Variants in MYO16 observed in about 807,000 individuals in gnomAD.
The protein encoded by MYO16 is unconventional myosin-XVI.
Under a neutral mutation model 205.3 loss-of-function variants are expected in MYO16, and 94 were observed. The observed-to-expected ratio is 0.46, with a 90% CI of 0.39 to 0.54. MYO16 has a LOEUF of 0.54. Ranked by LOEUF, MYO16 falls within the 20% of genes least tolerant of loss-of-function variation. The pLI, the probability that MYO16 is intolerant of heterozygous loss-of-function variation, is 0.00. For synonymous variants in MYO16, 988 were observed against 954.0 expected (o/e 1.04, Z -0.66); for missense variants, 2,315 against 2,387.5 (o/e 0.97, Z 0.63).
intron 9 of MYO16, among the ~76,000 whole-genome samples, chr13:108,840,427 C>A (rs1285008040): frequency 2.0e-5 from 3 of 152,058 alleles, no homozygotes; most frequent in Admixed American, 6.6e-5. Flanking sequence ...TGAAAGCAAC[C>A]CTTCAATTTA....
chr13:109,123,405 A>T (rs157021), intron 29 of MYO16, among the ~76,000 whole-genome samples: 21,905 of 152,110 alleles, frequency 0.14, 1,754 homozygotes, highest in Admixed American at 0.2. Flanking sequence ...ACATCTTGAA[A>T]ATACTCTCTC....
intron 20 of MYO16, among the ~76,000 whole-genome samples, chr13:108,976,131 A>T (rs564949922): frequency 3.3e-5 from 5 of 152,322 alleles, no homozygotes; most frequent in African/African-American, 1.2e-4. Flanking sequence ...GAAAACATCT[A>T]GAAACTGCAG....
At chr13:108,878,549 A>C (rs181495875) in intron 12 of MYO16, among the ~76,000 whole-genome samples, 7 of 152,206 alleles carry the variant, frequency 4.6e-5, no homozygotes, top group Admixed American at 4.6e-4. Context: ...TTTTTCCTGG[A>C]TGCCAGACAA....
intron 4 of MYO16, among the ~76,000 whole-genome samples, chr13:108,746,446 T>C (rs1316276311): frequency 6.6e-6 from 1 of 152,018 alleles, no homozygotes. Context: ...AGAAATAAGA[T>C]GTAGAATTTA....
At chr13:108,579,815 TAA>T in the MYO16 span, among the ~76,000 whole-genome samples, 1 of 152,136 alleles carries the variant, frequency 6.6e-6, no homozygotes, top group African/African-American at 2.4e-5. Context: ...TGTAGAAAAA[TAA>T]AGAGCCATGC....
At chr13:108,833,918 C>T (rs1042415091) in intron 9 of MYO16, among the ~76,000 whole-genome samples, 3 of 151,884 alleles carry the variant, frequency 2.0e-5, no homozygotes, top group South Asian at 2.1e-4. Context: ...TCTGTCTTAC[C>T]AATAGAAAAT....
the MYO16 span, among the ~76,000 whole-genome samples, chr13:108,578,393 C>T: frequency 6.6e-6 from 1 of 152,110 alleles, no homozygotes; most frequent in African/African-American, 2.4e-5. Flanking sequence ...ATTTTAAACC[C>T]AAATGGGAGC....
upstream of MYO16, among the ~76,000 whole-genome samples, chr13:108,625,955 T>C (rs985722801): frequency 6.6e-6 from 1 of 152,226 alleles, no homozygotes; most frequent in Non-Finnish European, 1.5e-5. Flanking sequence ...AGGTTTTAAA[T>C]GAAAACATTA....
At chr13:108,933,841 A>G (rs2139297433) in intron 16 of MYO16, among the ~76,000 whole-genome samples, 1 of 152,164 alleles carries the variant, frequency 6.6e-6, no homozygotes, top group East Asian at 1.9e-4. Context: ...TATAAGTAAC[A>G]ATGTGTGATA....
intron 23 of MYO16, among the ~76,000 whole-genome samples, chr13:109,023,164 A>G (rs1428501368): frequency 1.5e-5 from 2 of 129,318 alleles, no homozygotes; most frequent in African/African-American, 5.7e-5. Context: ...ATATATACAA[A>G]TACAAATTTA....
At chr13:108,972,249 C>CTATATATATATA (rs1158879237) in intron 20 of MYO16, among the ~76,000 whole-genome samples, 42 of 2,846 alleles carry the variant, frequency 0.015, 2 homozygotes, top group Non-Finnish European at 0.018. Flanking sequence ...CTCTCTCTCT[C>CTATATATATATA]TATATATATA....
In MYO16 at chr13:108,961,549, A is replaced by G. The variant is rs1454023139; in HGVS notation, c.2048A>G (p.Asn683Ser). Residue 683 changes from asparagine to serine, a missense_variant, in exon 18 of 35, where the codon AAT (asparagine) becomes AGT (serine). This residue lies in a region of MYO16 where 1,213 missense variants were observed against 1,274.4 expected (regional missense o/e 0.95). Coordinates refer to ENST00000457511, the MANE Select transcript of MYO16 (RefSeq NM_001198950.3). ...TTGTAAAATGCATAGGAGGTGGAGA[A>G]TCTGTTCGTAATTCTAGCAGCAATA... ...VVGFSSLEVE[N>S]LFVILAAILH... The G allele has an allele frequency of 6.2e-7, 1 of 1,613,552 alleles. No homozygotes were observed. The highest frequency in any genetic ancestry group is 1.1e-5 in the South Asian group (1 of 91,060).
chr13:109,059,275 G>GA (rs1258144005), intron 27 of MYO16, among the ~76,000 whole-genome samples: 1 of 152,136 alleles, frequency 6.6e-6, no homozygotes, highest in African/African-American at 2.4e-5. Context: ...AAATTCATCA[G>GA]AAAAATCACT....
chr13:108,966,035 T>C (rs766489056), intron 20 of MYO16, among the ~76,000 whole-genome samples: 78 of 152,306 alleles, frequency 5.1e-4, no homozygotes, highest in Admixed American at 1.2e-3. Flanking sequence ...TCAGAAGATT[T>C]CAAAGACAAG....
chr13:109,131,297 G>A (rs2139784875), intron 31 of MYO16, among the ~76,000 whole-genome samples: 1 of 152,276 alleles, frequency 6.6e-6, no homozygotes, highest in South Asian at 2.1e-4. Context: ...AAGGATTGTA[G>A]GGTGACCAGC....
chr13:108,611,731 T>C lies in MYO16; in HGVS notation c.-39+15492T>C, dbSNP rs186228182. Among the ~76,000 whole-genome samples, 333 of 152,118 alleles carry C rather than the reference T, an allele frequency of 2.2e-3. 1 individual carries two copies. The highest frequency in any genetic ancestry group is 0.01 in the Middle Eastern group (3 of 294). ...TAATGGTCTTCTGACCCAGGGTAGG[T>C]AAGCAAGTTGAGACTCAGAGAAGAT... On this transcript the variant is annotated intron_variant, in intron 1 of 24. Coordinates refer to the MYO16 transcript ENST00000251041.
chr13:108,782,963 A>T (rs1055494741), intron 4 of MYO16, among the ~76,000 whole-genome samples: 1 of 152,186 alleles, frequency 6.6e-6, no homozygotes, highest in African/African-American at 2.4e-5. Context: ...CTCATGGAGA[A>T]CCTCTACAGC....
At chr13:108,757,425 T>A (rs1408611061) in intron 4 of MYO16, among the ~76,000 whole-genome samples, 1 of 152,216 alleles carries the variant, frequency 6.6e-6, no homozygotes, top group Non-Finnish European at 1.5e-5. Flanking sequence ...ATACCTTTCA[T>A]CCAAAGACTT....
chr13:108,688,909 C>T (rs1206503293), intron 2 of MYO16, among the ~76,000 whole-genome samples: 7 of 152,182 alleles, frequency 4.6e-5, no homozygotes, highest in African/African-American at 1.7e-4. Flanking sequence ...GGTTTCCTTA[C>T]TAACCAAGTG....
Sources: allele counts gnomAD v4.1 joint callset (sites outside exome capture counted in the v4.1 genomes callset), GRCh38; gene constraint gnomAD v4.1.1; regional missense constraint gnomAD v4.1.1; transcripts MANE v1.5; gene names NCBI Gene and HGNC (gene_info 2026-07-23, HGNC 2026-07-21).